The following RBFOX1 variants were observed in gnomAD, a reference collection of about 807,000 sequenced individuals.
RBFOX1 encodes RNA binding protein fox-1 homolog 1.
In RBFOX1, 8 loss-of-function variants were observed where a neutral mutation model predicts 57.7. The observed-to-expected ratio is 0.14, with a 90% confidence interval of 0.08 to 0.25. The LOEUF is 0.25. RBFOX1 is among the 10% of genes least tolerant of loss of function. RBFOX1 has a pLI of 1.00. For missense variants in RBFOX1, 611 were observed against 548.5 expected (o/e 1.11, Z -1.14); for synonymous variants, 326 against 222.4 (o/e 1.47, Z -4.15).
chr16:6,622,305 C>G (rs181222030), intron 2 of RBFOX1, among the ~76,000 whole-genome samples: 2 of 152,194 alleles, frequency 1.3e-5, no homozygotes, highest in South Asian at 2.1e-4. Flanking sequence ...TGGAATTGCC[C>G]TATACAGATG....
intron 2 of RBFOX1, among the ~76,000 whole-genome samples, chr16:6,361,682 T>C: frequency 6.6e-6 from 1 of 151,764 alleles, no homozygotes; most frequent in Admixed American, 6.6e-5. Flanking sequence ...CTAATTAGTG[T>C]TACCTGGAGA....
intron 3 of RBFOX1, among the ~76,000 whole-genome samples, chr16:6,960,520 G>C (rs936370167): frequency 2.6e-5 from 4 of 152,026 alleles, no homozygotes; most frequent in Non-Finnish European, 1.5e-5. Flanking sequence ...AGTTTGGTCT[G>C]GGAACAACTC....
chr16:6,716,078 G>T (rs1048837053), intron 3 of RBFOX1, among the ~76,000 whole-genome samples: 8 of 152,110 alleles, frequency 5.3e-5, no homozygotes, highest in Non-Finnish European at 8.8e-5. Flanking sequence ...TGATGGCCCT[G>T]GTGACAATAT....
At chr16:7,380,718 C>G (rs1298379826) in intron 4 of RBFOX1, among the ~76,000 whole-genome samples, 1 of 152,190 alleles carries the variant, frequency 6.6e-6, no homozygotes, top group African/African-American at 2.4e-5. Context: ...TTCGTTTGCA[C>G]CTGAATATTC....
chr16:6,001,362 GA>G (rs1413499285), intron 4 of RBFOX1, among the ~76,000 whole-genome samples: 1 of 152,162 alleles, frequency 6.6e-6, no homozygotes, highest in Non-Finnish European at 1.5e-5. Context: ...TGCCAGTAAA[GA>G]AACCACCAAT....
intron 2 of RBFOX1, among the ~76,000 whole-genome samples, chr16:6,556,983 G>A (rs113547952): frequency 5.1e-5 from 7 of 136,918 alleles, no homozygotes; most frequent in East Asian, 2.3e-4. Context: ...ACACACATAC[G>A]TATATATACA....
chr16:5,370,220 C>G (rs980493727), intron 1 of RBFOX1, among the ~76,000 whole-genome samples: 1 of 152,154 alleles, frequency 6.6e-6, no homozygotes, highest in African/African-American at 2.4e-5. Context: ...TCTGCAGAAC[C>G]CAATGGTGGG....
intron 7 of RBFOX1, among the ~76,000 whole-genome samples, chr16:7,594,425 A>T (rs993405703): frequency 6.6e-6 from 1 of 152,208 alleles, no homozygotes; most frequent in African/African-American, 2.4e-5. Context: ...GGGTAAATTT[A>T]TGTGGAAATT....
At chr16:5,861,922 G>C (rs549990706) in intron 3 of RBFOX1, among the ~76,000 whole-genome samples, 2 of 152,258 alleles carry the variant, frequency 1.3e-5, no homozygotes, top group East Asian at 3.9e-4. Flanking sequence ...GCTGCCTGTG[G>C]GGGGAATGGA....
At chr16:6,751,698 C>T (rs2074957377) in intron 3 of RBFOX1, among the ~76,000 whole-genome samples, 1 of 152,110 alleles carries the variant, frequency 6.6e-6, no homozygotes, top group African/African-American at 2.4e-5. Context: ...TTGCTGCTTA[C>T]AGTATACAAG....
At chr16:7,649,914 T>C (rs1241063530) in intron 11 of RBFOX1, among the ~76,000 whole-genome samples, 1 of 151,128 alleles carries the variant, frequency 6.6e-6, no homozygotes, top group African/African-American at 2.4e-5. Flanking sequence ...AAAGGAAGGA[T>C]TGTAATGAAG....
At chr16:5,921,463 A>G (rs2058819638) in intron 4 of RBFOX1, among the ~76,000 whole-genome samples, 1 of 152,224 alleles carries the variant, frequency 6.6e-6, no homozygotes, top group African/African-American at 2.4e-5. Context: ...GCAGGAAAAG[A>G]ATCTTATCTG....
chr16:6,896,241 G>T (rs1056886160), intron 3 of RBFOX1, among the ~76,000 whole-genome samples: 4 of 152,174 alleles, frequency 2.6e-5, no homozygotes, highest in African/African-American at 9.7e-5. Context: ...CCACTGCACT[G>T]TGCAGTTTGA....
chr16:7,453,015 G>A (rs1324066441), intron 4 of RBFOX1, among the ~76,000 whole-genome samples: 1 of 151,754 alleles, frequency 6.6e-6, no homozygotes, highest in Non-Finnish European at 1.5e-5. Context: ...TGTAATTGCA[G>A]CTACTAGGGG....
At chr16:5,390,587 C>T (rs747773707) in intron 1 of RBFOX1, among the ~76,000 whole-genome samples, 1 of 152,046 alleles carries the variant, frequency 6.6e-6, no homozygotes, top group Non-Finnish European at 1.5e-5. Context: ...CCACGCCTGG[C>T]CTCATATATT....
At chr16:5,854,353 G>A (rs2056972933) in intron 3 of RBFOX1, among the ~76,000 whole-genome samples, 1 of 152,156 alleles carries the variant, frequency 6.6e-6, no homozygotes, top group African/African-American at 2.4e-5. Context: ...CACCTCCGGT[G>A]CCTGGCAACC....
chr16:6,183,486 T>TTAATTAAA (rs147650768), intron 1 of RBFOX1, among the ~76,000 whole-genome samples: 4 of 140,864 alleles, frequency 2.8e-5, no homozygotes, highest in Admixed American at 7.3e-5. Context: ...TCTAAAAAAA[T>TTAATTAAA]TAAATAAATA....
At chr16:7,156,097 C>G (rs901519383) in intron 4 of RBFOX1, among the ~76,000 whole-genome samples, 5 of 151,880 alleles carry the variant, frequency 3.3e-5, no homozygotes, top group Admixed American at 1.3e-4. Context: ...GTCTCAAACT[C>G]CTGGGCTTAA....
intron 5 of RBFOX1, among the ~76,000 whole-genome samples, chr16:7,552,784 G>C (rs532828661): frequency 6.6e-6 from 1 of 152,112 alleles, no homozygotes; most frequent in South Asian, 2.1e-4. Context: ...CCAGGCTCAA[G>C]AGATTCTCCT....
Sources: allele counts gnomAD v4.1 joint callset (sites outside exome capture counted in the v4.1 genomes callset), GRCh38; gene constraint gnomAD v4.1.1; transcripts MANE v1.5; gene names NCBI Gene and HGNC (gene_info 2026-07-23, HGNC 2026-07-21).